Variants in CDH9 observed in about 807,000 individuals in gnomAD.
The protein encoded by CDH9 is cadherin 9, also known as cadherin-9.
A neutral mutation model predicts 70.9 loss-of-function variants in CDH9; 28 were observed. The ratio of observed to expected loss-of-function variants is 0.40; its 90% CI spans 0.29 to 0.54. The LOEUF (loss-of-function observed/expected upper bound fraction) is 0.54, where lower values mean the gene tolerates loss of function less well. CDH9 is among the 20% of genes least tolerant of loss of function. CDH9 has a pLI of 0.59. For synonymous variants in CDH9, 409 were observed against 343.1 expected, an observed-to-expected ratio of 1.19 and a Z score of -2.12; for missense variants, 874 against 984.4, an observed-to-expected ratio of 0.89 and a Z score of 1.50.
At chr5:26,974,811 C>G (rs1742277128) in intron 2 of CDH9, among the ~76,000 whole-genome samples, 1 of 119,018 alleles carries the variant, frequency 8.4e-6, no homozygotes, top group Non-Finnish European at 1.9e-5. Context: ...TATAGTTACC[C>G]TTTTGTGTGT....
At chr5:26,936,741 C>T (rs1741565415) in intron 2 of CDH9, among the ~76,000 whole-genome samples, 1 of 151,940 alleles carries the variant, frequency 6.6e-6, no homozygotes, top group Non-Finnish European at 1.5e-5. Context: ...TATACTCAAA[C>T]AAATATAGTC....
chr5:26,952,246 G>A (rs1250139235), intron 2 of CDH9, among the ~76,000 whole-genome samples: 1 of 149,676 alleles, frequency 6.7e-6, no homozygotes, highest in Non-Finnish European at 1.5e-5. Flanking sequence ...TCACAGGCGT[G>A]AGCCACCGCG....
At chr5:26,934,382 T>A (rs74632546) in intron 2 of CDH9, among the ~76,000 whole-genome samples, 14,704 of 152,144 alleles carry the variant, frequency 0.097, 888 homozygotes, top group East Asian at 0.19. Flanking sequence ...GTAGGATTGC[T>A]TGAGCCTGGG....
rs532461307 is a variant in CDH9 at position 26,927,284 on chromosome 5, C to T, written c.229-11360G>A. Reference sequence around the variant, plus strand: ...AACATGAGCCATATATGAAAGATCCCCAGCTAGTATACTGGGGAAAAAGTG... The same window carrying T: ...AACATGAGCCATATATGAAAGATCCTCAGCTAGTATACTGGGGAAAAAGTG... On this transcript the variant is annotated intron_variant, in intron 2 of 11. Coordinates refer to ENST00000231021, the MANE Select transcript of CDH9 (RefSeq NM_016279.4). Among the ~76,000 whole-genome samples, 10 of 151,942 alleles carry T rather than the reference C, an allele frequency of 6.6e-5. No individual in the cohort carries two copies. The East Asian group carries it at 1.9e-3, about 30-fold the overall frequency.
intron 2 of CDH9, among the ~76,000 whole-genome samples, chr5:26,965,929 A>G (rs574453712): frequency 7.9e-5 from 12 of 152,328 alleles, no homozygotes; most frequent in African/African-American, 2.6e-4. Flanking sequence ...AGCATTAAAA[A>G]TGTTGAATAA....
At chr5:26,905,079 C>A (rs1291827126) in intron 5 of CDH9, among the ~76,000 whole-genome samples, 2 of 151,996 alleles carry the variant, frequency 1.3e-5, no homozygotes, top group African/African-American at 4.8e-5. Flanking sequence ...AAGATCAATA[C>A]AACATTTTAA....
At chr5:27,029,011 A>G (rs1298469142) in intron 1 of CDH9, among the ~76,000 whole-genome samples, 2 of 152,066 alleles carry the variant, frequency 1.3e-5, no homozygotes, top group Non-Finnish European at 2.9e-5. Context: ...TTTCTCAAGA[A>G]GAATGATCCA....
In CDH9 at chr5:27,001,844, A is replaced by ACTCTCT. The variant is rs141271541; in HGVS notation, c.-49-13468_-49-13463dup. Among the ~76,000 whole-genome samples, 1,259 of 142,050 alleles carry ACTCTCT rather than the reference A, an allele frequency of 8.9e-3. 11 individuals carry two copies. The highest frequency in any genetic ancestry group is 0.011 in the Non-Finnish European group (725 of 66,004). The allele number at this position is 142,050 out of a possible 152,430, so 93.2% of individuals were successfully genotyped here. ...GTGCTTAACATACACACACACACAC[A>ACTCTCT]CTCTCTCTCTCTCTCTCTCTCTCTC... On this transcript the variant is annotated intron_variant, in intron 1 of 11. Coordinates refer to ENST00000231021, the MANE Select transcript of CDH9 (RefSeq NM_016279.4).
intron 7 of CDH9, among the ~76,000 whole-genome samples, chr5:26,897,583 A>G (rs1740775860): frequency 1.3e-5 from 2 of 152,336 alleles, no homozygotes; most frequent in South Asian, 4.1e-4. Flanking sequence ...GATTATCTCA[A>G]TAGATGAAGG....
At position 26,997,915 on chromosome 5, in the gene CDH9, G is replaced by A. The variant is rs962107564; in HGVS notation, c.-49-9533C>T. Among the ~76,000 whole-genome samples, 4 of 152,106 alleles carry A rather than the reference G, an allele frequency of 2.6e-5. No homozygotes were observed. The South Asian group carries it at 8.3e-4, about 32-fold the overall frequency. On this transcript the variant is annotated intron_variant, in intron 1 of 11. Coordinates refer to ENST00000231021, the MANE Select transcript of CDH9 (RefSeq NM_016279.4). ...GTGTTTCACCATGTTAGCCCGGATGGTCTCGATCTCTTGACCTCATGATCT... is the reference window on the plus strand; with the variant it reads ...GTGTTTCACCATGTTAGCCCGGATGATCTCGATCTCTTGACCTCATGATCT...
At chr5:26,922,175 A>G (rs373052355) in intron 2 of CDH9, among the ~76,000 whole-genome samples, 3 of 93,362 alleles carry the variant, frequency 3.2e-5, no homozygotes, top group African/African-American at 1.1e-4. Context: ...ATTCAAAGAA[A>G]TAATAACAGA....
intron 2 of CDH9, among the ~76,000 whole-genome samples, chr5:26,944,706 T>C (rs2112039521): frequency 6.6e-6 from 1 of 152,286 alleles, no homozygotes; most frequent in South Asian, 2.1e-4. Context: ...TTATTAGCTG[T>C]TCCTTTGAAA....
intron 11 of CDH9, among the ~76,000 whole-genome samples, chr5:26,883,042 T>TAG (rs10536720): frequency 0.45 from 3,910 of 8,642 alleles, 1,016 homozygotes; most frequent in South Asian, 0.59. Context: ...AGGATCATCT[T>TAG]ATATATATAT....
At chr5:27,024,259 T>C (rs1385225435) in intron 1 of CDH9, among the ~76,000 whole-genome samples, 1 of 152,004 alleles carries the variant, frequency 6.6e-6, no homozygotes, top group Non-Finnish European at 1.5e-5. Context: ...AAAGTATGAC[T>C]GCTTACATAA....
chr5:26,923,189 C>T (rs1378730769), intron 2 of CDH9, among the ~76,000 whole-genome samples: 1 of 150,144 alleles, frequency 6.7e-6, no homozygotes, highest in Non-Finnish European at 1.5e-5. Flanking sequence ...TGAAGACACA[C>T]ATTGACAGAA....
At chr5:26,966,642 G>A (rs142987704) in intron 2 of CDH9, among the ~76,000 whole-genome samples, 1 of 152,192 alleles carries the variant, frequency 6.6e-6, no homozygotes, top group Non-Finnish European at 1.5e-5. Flanking sequence ...ACAGTAAAAT[G>A]TTCTTTCAGA....
chr5:26,905,971 G>A lies in CDH9; in HGVS notation c.799C>T (p.Arg267Ter), dbSNP rs779923057. The A allele has an allele frequency of 1.9e-6, 3 of 1,613,100 alleles. No individual in the cohort carries two copies. The highest frequency in any genetic ancestry group is 1.7e-6 in the Non-Finnish European group (2 of 1,179,302). The stretch of plus-strand genomic sequence containing the variant: ...AAACATTTCTTACTCTGGGGAAATC[G>A]AGGAGGGTTGTTGTTGACATCTGTC... ...TLTDVNNNPP[R>*]FPQSTYQFNS... The change falls in exon 5 of 12, where the codon CGA becomes TGA. Residue 267 changes from arginine (R) to a stop codon, truncating the protein, a stop_gained. Transcript: ENST00000231021. LOFTEE classifies it high-confidence loss of function.
At chr5:26,990,416 G>A (rs1333384920) in intron 1 of CDH9, among the ~76,000 whole-genome samples, 1 of 152,126 alleles carries the variant, frequency 6.6e-6, no homozygotes, top group Non-Finnish European at 1.5e-5. Context: ...ATATGGTTAA[G>A]TTCCAGAATT....
intron 2 of CDH9, among the ~76,000 whole-genome samples, chr5:26,949,122 G>A (rs1474132257): frequency 6.6e-6 from 1 of 152,138 alleles, no homozygotes; most frequent in Non-Finnish European, 1.5e-5. Flanking sequence ...CAATTTACCA[G>A]TGCATATTTA....
Sources: allele counts gnomAD v4.1 joint callset (sites outside exome capture counted in the v4.1 genomes callset), GRCh38; gene constraint gnomAD v4.1.1; transcripts MANE v1.5; gene names NCBI Gene and HGNC (gene_info 2026-07-23, HGNC 2026-07-21).